Variants in DLC1 observed in about 807,000 individuals in gnomAD.
DLC1 encodes rho GTPase-activating protein 7.
Under a neutral mutation model 140.3 loss-of-function variants are expected in DLC1, and 54 were observed. That is an observed-to-expected ratio of 0.38 (90% CI 0.31 to 0.48). The LOEUF (loss-of-function observed/expected upper bound fraction) is 0.48. DLC1 is among the 20% of genes least tolerant of loss of function. DLC1 has a pLI of 0.96. For synonymous variants in DLC1, 986 were observed against 728.1 expected, an observed-to-expected ratio of 1.35 and a Z score of -5.70; for missense variants, 2,536 against 1,907.0, an observed-to-expected ratio of 1.33 and a Z score of -6.14.
chr8:13,216,094 C>T (rs1828188998), intron 5 of DLC1, among the ~76,000 whole-genome samples: 1 of 152,208 alleles, frequency 6.6e-6, no homozygotes, highest in Non-Finnish European at 1.5e-5. Context: ...TTATTGCTGT[C>T]CTGTTCCAGA....
At chr8:13,599,376 A>C (rs1257012442) in intron 1 of DLC1, among the ~76,000 whole-genome samples, 1 of 152,030 alleles carries the variant, frequency 6.6e-6, no homozygotes, top group Non-Finnish European at 1.5e-5. Flanking sequence ...AAACCTGTAC[A>C]AATCAATATC....
At chr8:13,356,456 C>T (rs762155855) in intron 4 of DLC1, among the ~76,000 whole-genome samples, 4 of 152,082 alleles carry the variant, frequency 2.6e-5, no homozygotes, top group Non-Finnish European at 5.9e-5. Context: ...TATTTTTTAC[C>T]ATACGAAATT....
At chr8:13,129,075 G>A (rs957935766) in intron 5 of DLC1, among the ~76,000 whole-genome samples, 1 of 152,130 alleles carries the variant, frequency 6.6e-6, no homozygotes, top group Non-Finnish European at 1.5e-5. Context: ...GACAGAAGGA[G>A]CCCTTCTCAG....
intron 2 of DLC1, among the ~76,000 whole-genome samples, chr8:13,475,899 A>G (rs1800414619): frequency 6.6e-6 from 1 of 151,966 alleles, no homozygotes; most frequent in Non-Finnish European, 1.5e-5. Flanking sequence ...AACTGCCTTC[A>G]CTCCCTTCAA....
intron 2 of DLC1, among the ~76,000 whole-genome samples, chr8:13,465,515 A>ATT (rs1799890390): frequency 6.6e-6 from 1 of 151,806 alleles, no homozygotes; most frequent in African/African-American, 2.4e-5. Flanking sequence ...CTTTTTATTT[A>ATT]TTTATTGTCA....
At chr8:13,316,038 G>T (rs541690365) in intron 4 of DLC1, among the ~76,000 whole-genome samples, 1 of 152,172 alleles carries the variant, frequency 6.6e-6, no homozygotes, top group Non-Finnish European at 1.5e-5. Flanking sequence ...GACCCCTTTC[G>T]GATGTAATCT....
Position 13,522,472 on chromosome 8 carries a change from A to G in DLC1, c.-125-22276T>C, listed in dbSNP as rs191607585. ...AGACCCTGTGTCTATTAAAAATGCA[A>G]AAATTAGCTGGGCATGGTGGTGGGT... On this transcript the variant is annotated intron_variant, in intron 1 of 1. Transcript: ENST00000631382. 9.7e-4 allele frequency among the ~76,000 whole-genome samples: 147 copies of G among 152,070 alleles called. 2 individuals are homozygous for G. In the East Asian group the frequency reaches 0.028, roughly 29 times the overall value.
At position 13,414,608 on chromosome 8, in the gene DLC1, A is replaced by T. The variant is rs1279926396; in HGVS notation, c.1024-12989T>A. Among the ~76,000 whole-genome samples the T allele has an allele frequency of 2.0e-5, 3 of 152,160 alleles. No homozygotes were observed. The East Asian group carries it at 5.8e-4, about 29-fold the overall frequency. ...CTTTCTACCATAAACCCAAACTGAC[A>T]TTTTCTAAGAAGTGACATAATGGGA... On this transcript the variant is annotated intron_variant, in intron 2 of 17. Transcript: ENST00000276297.
intron 1 of DLC1, among the ~76,000 whole-genome samples, chr8:13,549,712 G>A (rs1803779358): frequency 6.6e-6 from 1 of 152,096 alleles, no homozygotes; most frequent in South Asian, 2.1e-4. Context: ...GAATTGGAAG[G>A]TCATGCTAAA....
At chr8:13,221,696 G>A (rs1442226064) in intron 5 of DLC1, among the ~76,000 whole-genome samples, 5 of 118,576 alleles carry the variant, frequency 4.2e-5, no homozygotes, top group East Asian at 4.7e-4. Flanking sequence ...GTGTGTGTGT[G>A]TATATGTGTG....
intron 5 of DLC1, among the ~76,000 whole-genome samples, chr8:13,120,508 T>A (rs1414491172): frequency 1.3e-5 from 2 of 151,686 alleles, no homozygotes; most frequent in East Asian, 3.9e-4. Flanking sequence ...GGGGGGCCTC[T>A]AACACAGCTC....
intron 4 of DLC1, among the ~76,000 whole-genome samples, chr8:13,350,666 A>G (rs1423807320): frequency 1.3e-5 from 2 of 152,156 alleles, no homozygotes; most frequent in Non-Finnish European, 2.9e-5. Flanking sequence ...CAGTGAGCCT[A>G]GATGGCACCA....
At chr8:13,196,322 TTTA>T (rs1453149713) in intron 5 of DLC1, among the ~76,000 whole-genome samples, 2 of 152,178 alleles carry the variant, frequency 1.3e-5, no homozygotes, top group Admixed American at 6.6e-5. Context: ...AAAAAAATAT[TTTA>T]TTATTGTGTA....
At chr8:13,409,318 A>G (rs947171776) in intron 2 of DLC1, among the ~76,000 whole-genome samples, 6 of 152,132 alleles carry the variant, frequency 3.9e-5, no homozygotes, top group African/African-American at 1.4e-4. Flanking sequence ...TATACTCTCA[A>G]TTAAGCCATA....
chr8:13,085,047 C>T lies in DLC1; in HGVS notation c.*764G>A, dbSNP rs1250947165. The T allele has an allele frequency of 6.6e-6, 1 of 152,204 alleles. No homozygotes were observed. The highest frequency in any genetic ancestry group is 6.5e-5 in the Admixed American group (1 of 15,276). The allele number at this position is 152,204 out of a possible 1,614,324, so 9.4% of individuals were successfully genotyped here. ...AACTAATCCATACTGGTTAAAACTACATCACTATTTGCAATCGGGTCTAAA... is the reference window on the plus strand; with the variant it reads ...AACTAATCCATACTGGTTAAAACTATATCACTATTTGCAATCGGGTCTAAA... On this transcript the variant is annotated 3_prime_UTR_variant, in exon 18 of 18. Transcript: ENST00000276297.
chr8:13,523,453 C>G (rs993431264), intron 1 of DLC1, among the ~76,000 whole-genome samples: 2 of 152,046 alleles, frequency 1.3e-5, no homozygotes, highest in Non-Finnish European at 2.9e-5. Flanking sequence ...TTTGAGATGT[C>G]TATTAGAAAT....
At chr8:13,464,015 G>C (rs1279861481) in intron 2 of DLC1, among the ~76,000 whole-genome samples, 1 of 152,186 alleles carries the variant, frequency 6.6e-6, no homozygotes, top group Non-Finnish European at 1.5e-5. Flanking sequence ...AGTTTTCCCA[G>C]AGTTAGGAAA....
At chr8:13,447,339 A>G (rs982434828) in intron 2 of DLC1, among the ~76,000 whole-genome samples, 3 of 152,228 alleles carry the variant, frequency 2.0e-5, no homozygotes, top group Non-Finnish European at 4.4e-5. Context: ...ATTAAGGCAT[A>G]CGATTTATGA....
chr8:13,141,555 G>A (rs1333470291), intron 5 of DLC1, among the ~76,000 whole-genome samples: 1 of 152,148 alleles, frequency 6.6e-6, no homozygotes, highest in Non-Finnish European at 1.5e-5. Context: ...CATTTGAACT[G>A]TATGTTGCTC....
Sources: allele counts gnomAD v4.1 joint callset (sites outside exome capture counted in the v4.1 genomes callset), GRCh38; gene constraint gnomAD v4.1.1; transcripts MANE v1.5; gene names NCBI Gene and HGNC (gene_info 2026-07-23, HGNC 2026-07-21).